Variants in CLHC1 observed in about 807,000 individuals in gnomAD.
CLHC1 encodes the protein clathrin heavy chain linker domain-containing protein 1.
Under a neutral mutation model 69.5 loss-of-function variants are expected in CLHC1, and 72 were observed. The ratio of observed to expected loss-of-function variants is 1.04; its 90% CI spans 0.86 to 1.26. CLHC1 has a LOEUF of 1.26. CLHC1 is among the 50% of genes most tolerant of loss of function. The pLI is 0.00. For missense variants in CLHC1, 790 were observed against 679.3 expected (o/e 1.16, Z -1.81); for synonymous variants, 223 against 224.3 (o/e 0.99, Z 0.05).
chr2:55,187,370 T>G (rs1573618568), intron 9 of CLHC1, among the ~76,000 whole-genome samples: 1 of 152,036 alleles, frequency 6.6e-6, no homozygotes, highest in African/African-American at 2.4e-5. Flanking sequence ...CCCAGCACTT[T>G]GGGAGGCCAA....
intron 9 of CLHC1, among the ~76,000 whole-genome samples, chr2:55,196,637 G>T (rs895388602): frequency 7.9e-5 from 12 of 152,150 alleles, no homozygotes; most frequent in African/African-American, 2.9e-4. Flanking sequence ...ATCCTGGCAG[G>T]ACTCATCACC....
chr2:55,220,942 T>C (rs776542104), intron 3 of CLHC1, among the ~76,000 whole-genome samples: 6 of 152,184 alleles, frequency 3.9e-5, no homozygotes, highest in Non-Finnish European at 7.4e-5. Context: ...AAAGGATAGA[T>C]TTTCTGTATG....
Position 55,188,179 on chromosome 2 carries a change from G to T in CLHC1, c.1007-6435C>A, listed in dbSNP as rs190466133. 1.6e-3 allele frequency among the ~76,000 whole-genome samples: 241 copies of T among 152,164 alleles called. 3 individuals carry two copies. In the Middle Eastern group the frequency reaches 0.017, roughly 11 times the overall value. The stretch of plus-strand genomic sequence containing the variant: ...AAATTTTTAAATATTAGCCAGGCGT[G>T]GTGGCTCACAGCTGTAGTCCCAATG... On this transcript the variant is annotated intron_variant, in intron 9 of 12. Coordinates refer to ENST00000401408, the MANE Select transcript of CLHC1 (RefSeq NM_152385.4).
chr2:55,206,478 T>G (rs1047384051), intron 8 of CLHC1, 102 bp from the exon 9 acceptor site: 1 of 683,660 alleles, frequency 1.5e-6, no homozygotes. Flanking sequence ...GGCATAACGA[T>G]ATGGAAAAAC....
Position 55,209,631 on chromosome 2 carries a change from A to G in CLHC1, c.700T>C (p.Cys234Arg). The G allele has an allele frequency of 6.2e-7, 1 of 1,613,710 alleles. No individual in the cohort carries two copies. Among genetic ancestry groups the G allele is most frequent in the Non-Finnish European group, 8.5e-7 (1 of 1,179,688 alleles). The stretch of plus-strand genomic sequence containing the variant: ...AAAACATATAATCAACTTCCATACC[A>G]AAACTGCAATTTTTTGTTCAGATTT... ...AENLNKKLQF[C>R]HQRLQIISQA... is the part of the protein sequence containing the mutation. The change falls in exon 6 of 13, where the codon TGT (cysteine) becomes CGT (arginine). Residue 234 changes from cysteine (C) to arginine (R), a missense_variant and splice_region_variant. Coordinates refer to ENST00000401408, the MANE Select transcript of CLHC1 (RefSeq NM_152385.4).
intron 9 of CLHC1, 148 bp from the exon 10 acceptor site, chr2:55,181,892 G>C (rs1345823849): frequency 9.2e-6 from 6 of 650,244 alleles, no homozygotes; most frequent in Non-Finnish European, 1.6e-5. Context: ...CATGCTTATA[G>C]ATTAAACTTT....
intron 3 of CLHC1, among the ~76,000 whole-genome samples, chr2:55,220,799 T>C (rs760500831): frequency 1.8e-4 from 28 of 152,218 alleles, no homozygotes; most frequent in Non-Finnish European, 3.2e-4. Flanking sequence ...TTGATATTTA[T>C]AAAACCTATT....
Position 55,203,441 on chromosome 2 carries a change from C to T in CLHC1, c.1006+2829G>A, listed in dbSNP as rs142468968. 3.9e-3 allele frequency among the ~76,000 whole-genome samples: 596 copies of T among 152,004 alleles called. 4 individuals are homozygous for T. The highest frequency in any genetic ancestry group is 0.014 in the African/African-American group (567 of 41,456). On this transcript the variant is annotated intron_variant, in intron 9 of 12. Coordinates refer to ENST00000401408, the MANE Select transcript of CLHC1 (RefSeq NM_152385.4). Reference sequence around the variant, plus strand: ...CAGAGCTATAGTAACCAAAACAGCACGGTAATGGAATAAAAACAGATGCAC... The same window carrying T: ...CAGAGCTATAGTAACCAAAACAGCATGGTAATGGAATAAAAACAGATGCAC...
chr2:55,184,015 G>A (rs1310659258), intron 9 of CLHC1, among the ~76,000 whole-genome samples: 4 of 152,012 alleles, frequency 2.6e-5, no homozygotes, highest in Admixed American at 6.6e-5. Context: ...TCTTGACCTC[G>A]TGATCCGCCT....
chr2:55,221,140 G>A (rs1178771272), intron 3 of CLHC1, among the ~76,000 whole-genome samples: 1 of 152,140 alleles, frequency 6.6e-6, no homozygotes, highest in African/African-American at 2.4e-5. Flanking sequence ...TTAAAAGACT[G>A]AGTTTCTATT....
intron 9 of CLHC1, among the ~76,000 whole-genome samples, chr2:55,206,003 A>G (rs1318854422): frequency 6.6e-6 from 1 of 152,206 alleles, no homozygotes; most frequent in African/African-American, 2.4e-5. Context: ...AGCAAATTTG[A>G]CAAAGTATTA....
intron 2 of CLHC1, chr2:55,224,069 A>T (rs899589121): frequency 6.3e-6 from 1 of 159,218 alleles, no homozygotes; most frequent in African/African-American, 2.4e-5. Context: ...TGCTGGGATT[A>T]CAGGCGTCAG....
At chr2:55,215,237 C>A (rs921731246) in intron 4 of CLHC1, 1 of 152,130 alleles carries the variant, frequency 6.6e-6, no homozygotes, top group African/African-American at 2.4e-5. Context: ...TTTAAAAAAT[C>A]TTTCCAAAAG....
At chr2:55,219,660 T>C (rs1458392762) in intron 3 of CLHC1, among the ~76,000 whole-genome samples, 3 of 152,164 alleles carry the variant, frequency 2.0e-5, no homozygotes, top group Non-Finnish European at 4.4e-5. Context: ...CTTAACTCTT[T>C]TATATTACCT....
intron 9 of CLHC1, among the ~76,000 whole-genome samples, chr2:55,182,675 G>A (rs577975578): frequency 1.3e-5 from 2 of 152,202 alleles, no homozygotes; most frequent in African/African-American, 4.8e-5. Context: ...TGCCTGGAAA[G>A]TTTAAAGGTG....
At position 55,208,706 on chromosome 2, in the gene CLHC1, G is replaced by C. The variant is rs893928817; in HGVS notation, c.819C>G (p.Asp273Glu). Residue 273 changes from aspartate to glutamate, a missense_variant, in exon 8 of 13, where the codon GAC (aspartate) becomes GAG (glutamate). Physicochemically the swap from Asp to Glu is conservative, Grantham distance 45. Coordinates refer to ENST00000401408, the MANE Select transcript of CLHC1 (RefSeq NM_152385.4). ...CCATTAGTTCTTCAACAATGCCTTGGTCACCTGTAAATATTGAAAGTACTA... is the reference window on the plus strand; with the variant it reads ...CCATTAGTTCTTCAACAATGCCTTGCTCACCTGTAAATATTGAAAGTACTA... ...QIQKTKYLQGDQGIVEELMED... is the reference protein window; with the variant it reads ...QIQKTKYLQGEQGIVEELMED... The C allele has an allele frequency of 1.2e-6, 2 of 1,605,368 alleles. No homozygotes were observed. The highest frequency in any genetic ancestry group is 1.3e-5 in the African/African-American group (1 of 74,814).
At chr2:55,207,673 T>C (rs1672578774) in intron 8 of CLHC1, among the ~76,000 whole-genome samples, 1 of 152,120 alleles carries the variant, frequency 6.6e-6, no homozygotes. Flanking sequence ...GTATTAAAAA[T>C]GTTTAAAAAT....
intron 9 of CLHC1, among the ~76,000 whole-genome samples, chr2:55,192,207 C>T (rs549569401): frequency 1.3e-5 from 2 of 152,092 alleles, no homozygotes; most frequent in African/African-American, 2.4e-5. Context: ...GCAACCTTTG[C>T]CTCCTGGGTT....
intron 9 of CLHC1, among the ~76,000 whole-genome samples, chr2:55,184,786 T>G (rs1002731881): frequency 2.4e-4 from 36 of 151,758 alleles, no homozygotes; most frequent in Non-Finnish European, 1.2e-4. Context: ...CTGCCTTTAA[T>G]CTCACCTACT....
Sources: allele counts gnomAD v4.1 joint callset (sites outside exome capture counted in the v4.1 genomes callset), GRCh38; gene constraint gnomAD v4.1.1; transcripts MANE v1.5; gene names NCBI Gene and HGNC (gene_info 2026-07-23, HGNC 2026-07-21).